SPRED1: variants seen among roughly 807,000 people sequenced by gnomAD.
The protein encoded by SPRED1 is sprouty-related, EVH1 domain-containing protein 1.
SPRED1 carries 18 observed loss-of-function variants against 52.3 expected under a neutral mutation model. The ratio of observed to expected loss-of-function variants is 0.34; its 90% CI spans 0.24 to 0.51. SPRED1 has a LOEUF of 0.51. SPRED1 is among the 20% of genes least tolerant of loss of function. SPRED1 has a pLI of 0.97. For missense variants in SPRED1, 485 were observed against 551.0 expected (o/e 0.88, Z 1.20); for synonymous variants, 155 against 179.7 (o/e 0.86, Z 1.10).
chr15:38,287,826 G>A lies in SPRED1; in HGVS notation c.33-11547G>A, dbSNP rs115768053. Among the ~76,000 whole-genome samples, 344 of 151,510 alleles carry A rather than the reference G, an allele frequency of 2.3e-3. 1 individual carries two copies. The highest frequency in any genetic ancestry group is 7.8e-3 in the African/African-American group (323 of 41,312). ...GCGTCAAGGATTTTGATACTCAAGC[G>A]AGGTCCTGGAACCAATTTCACACAG... On this transcript the variant is annotated intron_variant, in intron 1 of 6. Transcript: ENST00000299084.
intron 1 of SPRED1, among the ~76,000 whole-genome samples, chr15:38,267,155 A>T (rs1381279796): frequency 1.3e-5 from 2 of 152,176 alleles, no homozygotes; most frequent in Non-Finnish European, 2.9e-5. Flanking sequence ...GTGTACATAC[A>T]CATATTATTT....
intron 4 of SPRED1, among the ~76,000 whole-genome samples, chr15:38,332,408 T>C (rs1376988936): frequency 6.6e-6 from 1 of 151,990 alleles, no homozygotes; most frequent in Non-Finnish European, 1.5e-5. Context: ...ACTCTGTCTC[T>C]ACCAAAAGCA....
chr15:38,273,862 C>T (rs1262394116), intron 1 of SPRED1, among the ~76,000 whole-genome samples: 2 of 152,064 alleles, frequency 1.3e-5, no homozygotes, highest in East Asian at 3.9e-4. Flanking sequence ...TGTCATGAAC[C>T]TACTGAACTA....
intron 1 of SPRED1, among the ~76,000 whole-genome samples, chr15:38,272,401 T>G (rs1199109086): frequency 6.6e-6 from 1 of 151,762 alleles, no homozygotes; most frequent in Non-Finnish European, 1.5e-5. Flanking sequence ...CCCAAGTAGT[T>G]GGGATTACAG....
intron 1 of SPRED1, among the ~76,000 whole-genome samples, chr15:38,265,067 G>A (rs1025705879): frequency 6.6e-6 from 1 of 152,146 alleles, no homozygotes; most frequent in Admixed American, 6.5e-5. Context: ...CATTCTTAAT[G>A]TGGTTAGAGA....
intron 2 of SPRED1, among the ~76,000 whole-genome samples, chr15:38,319,725 A>G (rs963667866): frequency 2.0e-5 from 3 of 152,178 alleles, no homozygotes; most frequent in Non-Finnish European, 4.4e-5. Context: ...ATAGGAAGCA[A>G]AAGTCTTGAG....
Position 38,324,751 on chromosome 15 carries a change from C to T in SPRED1, c.377-12C>T, listed in dbSNP as rs371837252. ...AATTCTATACTTAATTAACTTTTAT[C>T]TATTTTCTTAGGATGCCCCGAATCA... is the stretch of plus-strand genomic sequence containing the variant. On this transcript the variant is annotated splice_polypyrimidine_tract_variant and intron_variant, in intron 3 of 6. Transcript: ENST00000299084. 1.4e-5 allele frequency: 22 copies of T among 1,595,760 alleles called. No homozygotes were observed. The highest frequency in any genetic ancestry group is 5.1e-5 in the Admixed American group (3 of 58,362).
chr15:38,263,245 T>G (rs1397887566), intron 1 of SPRED1, among the ~76,000 whole-genome samples: 2 of 152,204 alleles, frequency 1.3e-5, no homozygotes, highest in Non-Finnish European at 2.9e-5. Flanking sequence ...TGAACCCGGT[T>G]TTTTAAATGG....
At chr15:38,310,142 TG>T (rs1193337510) in intron 2 of SPRED1, among the ~76,000 whole-genome samples, 19 of 134,054 alleles carry the variant, frequency 1.4e-4, no homozygotes, top group South Asian at 5.2e-4. Flanking sequence ...TGTGTGTGTG[TG>T]TGTGTGTGTG....
intron 1 of SPRED1, among the ~76,000 whole-genome samples, chr15:38,276,651 A>G (rs747005163): frequency 6.6e-6 from 1 of 152,160 alleles, no homozygotes; most frequent in Non-Finnish European, 1.5e-5. Context: ...TCTAATTTTT[A>G]TGCTACCTAC....
chr15:38,329,449 T>C (rs1895768765), intron 4 of SPRED1, among the ~76,000 whole-genome samples: 1 of 152,180 alleles, frequency 6.6e-6, no homozygotes, highest in Non-Finnish European at 1.5e-5. Flanking sequence ...AGGCTCTATA[T>C]CTGAAAACTA....
chr15:38,316,575 A>T (rs1895484851), intron 2 of SPRED1, among the ~76,000 whole-genome samples: 1 of 151,884 alleles, frequency 6.6e-6, no homozygotes, highest in Non-Finnish European at 1.5e-5. Context: ...TTATTATTAT[A>T]GTCACTTTCC....
chr15:38,267,906 A>G (rs1894345183), intron 1 of SPRED1, among the ~76,000 whole-genome samples: 1 of 152,208 alleles, frequency 6.6e-6, no homozygotes. Flanking sequence ...GTATGCCCAT[A>G]GGATATACAT....
intron 1 of SPRED1, among the ~76,000 whole-genome samples, chr15:38,266,164 A>G (rs941553616): frequency 5.3e-5 from 8 of 152,226 alleles, no homozygotes; most frequent in African/African-American, 1.9e-4. Flanking sequence ...TGGACACATA[A>G]TCAGAAACTT....
chr15:38,314,231 A>C (rs1458420243), intron 2 of SPRED1, among the ~76,000 whole-genome samples: 1 of 151,830 alleles, frequency 6.6e-6, no homozygotes, highest in African/African-American at 2.4e-5. Context: ...AATCTGCTTT[A>C]TCTTTACTAA....
Position 38,253,232 on chromosome 15 carries a change from G to T in SPRED1, c.32+15G>T. ...TCTGACAACGAGTAAGCGCCTCATT[G>T]ATCTCGATTGCTAATCCCCCTCCCC... On this transcript the variant is annotated intron_variant, in intron 1 of 6. Transcript: ENST00000299084. 1 of 1,567,670 alleles carries T rather than the reference G, an allele frequency of 6.4e-7. No homozygotes were observed. Among genetic ancestry groups the T allele is most frequent in the Non-Finnish European group, 8.7e-7 (1 of 1,155,070 alleles).
At position 38,355,423 on chromosome 15, in the gene SPRED1, T is replaced by G. The variant is rs1888597169; in HGVS notation, c.*3759T>G. ...AGTGCCATCTGATATCTTGGGTAAG[T>G]CTTGCTTTTTCTTTTCTTTTTCCTC... On this transcript the variant is annotated 3_prime_UTR_variant, in exon 7 of 7. Transcript: ENST00000299084. The G allele has an allele frequency of 6.6e-6, 1 of 152,238 alleles. No homozygotes were observed. Among genetic ancestry groups the G allele is most frequent in the Non-Finnish European group, 1.5e-5 (1 of 68,064 alleles). 9.4% of individuals were successfully genotyped at this position (152,238 alleles called of 1,614,324 possible). A position where few individuals can be genotyped will look rare whatever the true frequency, so the allele number is the denominator to read the frequency against.
In SPRED1 at chr15:38,353,022, G is replaced by A. The variant is rs1888528793; in HGVS notation, c.*1358G>A. On this transcript the variant is annotated 3_prime_UTR_variant, in exon 7 of 7. Transcript: ENST00000299084. ...CTTTAAAGTACCTTGAAGTCAAATTGTCTGTTTTTGTTTTGTTGTTGTTGT... is the reference window on the plus strand; with the variant it reads ...CTTTAAAGTACCTTGAAGTCAAATTATCTGTTTTTGTTTTGTTGTTGTTGT... 1 of 152,288 alleles carries A rather than the reference G, an allele frequency of 6.6e-6. No homozygotes were observed. 9.4% of individuals were successfully genotyped at this position (152,288 alleles called of 1,614,324 possible).
chr15:38,333,112 C>A (rs745445498), intron 4 of SPRED1, among the ~76,000 whole-genome samples: 1 of 152,012 alleles, frequency 6.6e-6, no homozygotes, highest in Non-Finnish European at 1.5e-5. Flanking sequence ...CACAAACATT[C>A]GGAGTATAGC....
Sources: gnomAD v4.1 joint callset for allele counts (sites outside exome capture counted in the v4.1 genomes callset) on GRCh38, gnomAD v4.1.1 for gene constraint, MANE v1.5 for transcripts, NCBI Gene and HGNC (gene_info 2026-07-23, HGNC 2026-07-21) for gene names.